TNPO1: variants seen among roughly 807,000 people sequenced by gnomAD.
The protein encoded by TNPO1 is transportin-1.
TNPO1 carries 8 observed loss-of-function variants against 119.5 expected under a neutral mutation model. The ratio of observed to expected loss-of-function variants is 0.07; its 90% confidence interval spans 0.04 to 0.12. The LOEUF (loss-of-function observed/expected upper bound fraction) is 0.12, where lower values mean the gene tolerates loss of function less well. Ranked by LOEUF, TNPO1 falls within the 10% of genes least tolerant of loss-of-function variation. The pLI, the probability that TNPO1 is intolerant of heterozygous loss-of-function variation, is 1.00. For synonymous variants in TNPO1, 362 were observed against 363.0 expected (o/e 1.00, Z 0.03); for missense variants, 576 against 1,089.8 (o/e 0.53, Z 6.64).
rs148927407 is a variant in TNPO1 at position 72,831,420 on chromosome 5, T to C, written c.15+14668T>C. Among the ~76,000 whole-genome samples, 740 of 152,078 alleles carry C rather than the reference T, an allele frequency of 4.9e-3. 8 individuals carry two copies. The highest frequency in any genetic ancestry group is 0.017 in the African/African-American group (717 of 41,582). ...AAATTAGTGAAAGATCCTTGTATTA[T>C]TATGTCTGATATAAAATAAAATTTG... On this transcript the variant is annotated intron_variant, in intron 1 of 24. Coordinates refer to ENST00000337273, the MANE Select transcript of TNPO1 (RefSeq NM_002270.4).
intron 13 of TNPO1, among the ~76,000 whole-genome samples, chr5:72,889,009 A>G (rs1476535513): frequency 1.3e-5 from 2 of 152,152 alleles, no homozygotes; most frequent in Non-Finnish European, 1.5e-5. Flanking sequence ...TGCTTTTACC[A>G]TTGACCTTGA....
At chr5:72,878,628 C>T (rs1315755817) in intron 9 of TNPO1, 1 of 170,820 alleles carries the variant, frequency 5.9e-6, no homozygotes, top group Middle Eastern at 5.0e-4. Flanking sequence ...CAAGGTGCGT[C>T]GTATCTTGCT....
Position 72,838,693 on chromosome 5 carries a change from G to A in TNPO1, c.16-9692G>A, listed in dbSNP as rs988511027. On this transcript the variant is annotated intron_variant, in intron 1 of 24. Coordinates refer to ENST00000337273, the MANE Select transcript of TNPO1 (RefSeq NM_002270.4). ...ATAAATCAGCAAATGTATAATCAGC[G>A]TAGAGCAGTGTTACTTGAAGACAAG... Among the ~76,000 whole-genome samples, 15 of 152,252 alleles carry A rather than the reference G, an allele frequency of 9.9e-5. No homozygotes were observed. The East Asian group carries it at 1.5e-3, about 16-fold the overall frequency.
At chr5:72,907,339 C>A (rs1375986980) in intron 24 of TNPO1, among the ~76,000 whole-genome samples, 1 of 152,148 alleles carries the variant, frequency 6.6e-6, no homozygotes, top group Non-Finnish European at 1.5e-5. Flanking sequence ...ATTAACTGTT[C>A]TAAGACAAGG....
At chr5:72,858,205 GA>G (rs1203844907) in intron 4 of TNPO1, among the ~76,000 whole-genome samples, 6 of 151,544 alleles carry the variant, frequency 4.0e-5, no homozygotes, top group African/African-American at 1.4e-4. Context: ...AAGCAATTAG[GA>G]ATGTGAAGGT....
In TNPO1 at chr5:72,893,511, G is replaced by T. The variant is rs779645135; in HGVS notation, c.2031G>T (p.Leu677=). ...IEQLVARSNI[L]TLMYQCMQDK... ...AGCTGGTAGCCCGAAGTAACATCCT[G>T]ACACTAATGTATCAGTGCATGCAGG... Residue 677 remains leucine, a synonymous_variant, in exon 17 of 25, where the codon CTG becomes CTT. Transcript: ENST00000337273. 4 of 1,614,190 alleles carry T rather than the reference G, an allele frequency of 2.5e-6. No individual in the cohort carries two copies. The highest frequency in any genetic ancestry group is 2.5e-6 in the Non-Finnish European group (3 of 1,180,038).
chr5:72,871,658 A>G (rs531388542), intron 6 of TNPO1: 1 of 152,256 alleles, frequency 6.6e-6, no homozygotes, highest in African/African-American at 2.4e-5. Context: ...AAAGTAAGGA[A>G]GTGAGTCTAT....
intron 1 of TNPO1, among the ~76,000 whole-genome samples, chr5:72,819,075 A>G (rs1160584883): frequency 2.0e-5 from 3 of 152,140 alleles, no homozygotes; most frequent in Non-Finnish European, 4.4e-5. Flanking sequence ...TTATAAAGAG[A>G]AGAGGTTTAT....
At chr5:72,901,664 A>T (rs1372572445) in intron 22 of TNPO1, among the ~76,000 whole-genome samples, 2 of 152,200 alleles carry the variant, frequency 1.3e-5, no homozygotes, top group African/African-American at 4.8e-5. Flanking sequence ...CTAGACACAC[A>T]AAACAAAAAC....
chr5:72,866,508 C>G (rs1044600899), intron 6 of TNPO1, among the ~76,000 whole-genome samples: 1 of 152,130 alleles, frequency 6.6e-6, no homozygotes, highest in African/African-American at 2.4e-5. Context: ...AATCCTAACA[C>G]TTTGGGAGGC....
At chr5:72,866,211 A>G (rs554265518) in intron 6 of TNPO1, among the ~76,000 whole-genome samples, 1 of 152,226 alleles carries the variant, frequency 6.6e-6, no homozygotes, top group South Asian at 2.1e-4. Context: ...CCCTCTTCTT[A>G]TATTCCCCAG....
At chr5:72,876,329 C>T (rs1271370528) in intron 8 of TNPO1, among the ~76,000 whole-genome samples, 2 of 152,066 alleles carry the variant, frequency 1.3e-5, no homozygotes, top group East Asian at 3.9e-4. Flanking sequence ...TGTTTCAGTC[C>T]GTAAGAGGAT....
At chr5:72,891,647 A>G (rs1363163015) in intron 14 of TNPO1, among the ~76,000 whole-genome samples, 163 bp from the exon 15 acceptor site, 2 of 152,214 alleles carry the variant, frequency 1.3e-5, no homozygotes, top group African/African-American at 4.8e-5. Flanking sequence ...AACAGAAAGG[A>G]AAACTTTAAA....
At chr5:72,875,553 A>T (rs1747698202) in intron 7 of TNPO1, 62 bp from the exon 8 acceptor site, 1 of 1,546,302 alleles carries the variant, frequency 6.5e-7, no homozygotes, top group Non-Finnish European at 8.8e-7. Flanking sequence ...CAACTTGCAG[A>T]TTACTTATTA....
intron 12 of TNPO1, among the ~76,000 whole-genome samples, 181 bp from the exon 13 acceptor site, chr5:72,887,882 AAACACTGTAAGATGC>A (rs1748772389): frequency 6.6e-6 from 1 of 152,200 alleles, no homozygotes. Flanking sequence ...GAAGAAATTG[AAACACTGTAAGATGC>A]TTGGGAGCAG....
At chr5:72,846,414 G>A (rs1025816789) in intron 1 of TNPO1, among the ~76,000 whole-genome samples, 1 of 152,068 alleles carries the variant, frequency 6.6e-6, no homozygotes, top group Non-Finnish European at 1.5e-5. Context: ...GTTAGTATTA[G>A]TGTAGTATGG....
intron 4 of TNPO1, among the ~76,000 whole-genome samples, chr5:72,861,334 TAGAAAC>T (rs1365192792): frequency 6.6e-6 from 1 of 152,220 alleles, no homozygotes; most frequent in African/African-American, 2.4e-5. Context: ...AAAACACTAT[TAGAAAC>T]AGATCTGGTT....
At chr5:72,820,099 A>G (rs1743887030) in intron 1 of TNPO1, among the ~76,000 whole-genome samples, 1 of 152,162 alleles carries the variant, frequency 6.6e-6, no homozygotes. Flanking sequence ...AGACTTTACT[A>G]TGTGAGTAAT....
intron 1 of TNPO1, among the ~76,000 whole-genome samples, chr5:72,840,494 A>C (rs1487226798): frequency 6.6e-6 from 1 of 152,144 alleles, no homozygotes; most frequent in Admixed American, 6.5e-5. Flanking sequence ...TTTGGTTTTG[A>C]ATGCCTAATC....
Sources: gnomAD v4.1 joint callset for allele counts (sites outside exome capture counted in the v4.1 genomes callset) on GRCh38, gnomAD v4.1.1 for gene constraint, MANE v1.5 for transcripts, NCBI Gene and HGNC (gene_info 2026-07-23, HGNC 2026-07-21) for gene names.